TACR1: variants seen among roughly 807,000 people sequenced by gnomAD.
TACR1 encodes tachykinin receptor 1.
A neutral mutation model predicts 35.8 loss-of-function variants in TACR1; 25 were observed. The observed-to-expected ratio is 0.70, with a 90% confidence interval of 0.51 to 0.98. The LOEUF is 0.98. TACR1 is among the 50% of genes least tolerant of loss of function. TACR1 has a pLI of 0.00. For missense variants in TACR1, 478 were observed against 522.9 expected, an observed-to-expected ratio of 0.91 and a Z score of 0.84; for synonymous variants, 195 against 206.7, an observed-to-expected ratio of 0.94 and a Z score of 0.48.
intron 2 of TACR1, among the ~76,000 whole-genome samples, chr2:75,083,396 C>T (rs1673129504): frequency 6.6e-6 from 1 of 152,174 alleles, no homozygotes; most frequent in Non-Finnish European, 1.5e-5. Context: ...TTAGGATTGA[C>T]TTGGCAATGT....
At chr2:75,158,558 G>C (rs1674921766) in intron 1 of TACR1, among the ~76,000 whole-genome samples, 1 of 152,110 alleles carries the variant, frequency 6.6e-6, no homozygotes, top group Non-Finnish European at 1.5e-5. Flanking sequence ...TTAGCAGCAG[G>C]GTTAAAAGTT....
chr2:75,168,030 C>T (rs1675187043), intron 1 of TACR1, among the ~76,000 whole-genome samples: 1 of 152,190 alleles, frequency 6.6e-6, no homozygotes, highest in African/African-American at 2.4e-5. Flanking sequence ...AATTCACCAA[C>T]ATGTCAAGAG....
At chr2:75,197,780 A>G (rs939756993) in intron 1 of TACR1, among the ~76,000 whole-genome samples, 1 of 152,224 alleles carries the variant, frequency 6.6e-6, no homozygotes, top group African/African-American at 2.4e-5. Context: ...CAGGCTAAAT[A>G]CATACATTTT....
At chr2:75,160,982 T>G (rs1312495046) in intron 1 of TACR1, among the ~76,000 whole-genome samples, 1 of 151,878 alleles carries the variant, frequency 6.6e-6, no homozygotes, top group Admixed American at 6.6e-5. Context: ...TCTTCTATTA[T>G]AATGCCAGAA....
chr2:75,155,168 GC>G (rs149704705), intron 1 of TACR1, among the ~76,000 whole-genome samples: 5,433 of 152,174 alleles, frequency 0.036, 345 homozygotes, highest in African/African-American at 0.12. Flanking sequence ...CAGCATCTTT[GC>G]CCCATCCTCA....
At chr2:75,132,352 C>T (rs61188321) in intron 1 of TACR1, among the ~76,000 whole-genome samples, 33 of 152,196 alleles carry the variant, frequency 2.2e-4, no homozygotes, top group African/African-American at 7.2e-4. Flanking sequence ...TTGGATCTTC[C>T]AGTTCACTGA....
At chr2:75,059,646 C>G (rs570432165) in intron 2 of TACR1, among the ~76,000 whole-genome samples, 2 of 152,322 alleles carry the variant, frequency 1.3e-5, no homozygotes, top group African/African-American at 4.8e-5. Flanking sequence ...CCTGTGGTCA[C>G]GTAGCTTTCA....
At chr2:75,052,452 G>T (rs181663114) in intron 3 of TACR1, among the ~76,000 whole-genome samples, 2 of 151,994 alleles carry the variant, frequency 1.3e-5, no homozygotes, top group African/African-American at 4.8e-5. Context: ...GACACCATGC[G>T]ATGTAACCCC....
intron 1 of TACR1, among the ~76,000 whole-genome samples, chr2:75,128,189 G>A (rs1027638084): frequency 6.6e-6 from 1 of 152,198 alleles, no homozygotes; most frequent in East Asian, 1.9e-4. Flanking sequence ...GCAAGCTGGC[G>A]GCTCCACTTA....
chr2:75,052,495 G>T (rs1488549701), intron 3 of TACR1, among the ~76,000 whole-genome samples: 1 of 151,770 alleles, frequency 6.6e-6, no homozygotes, highest in East Asian at 1.9e-4. Flanking sequence ...GAACTCTACA[G>T]CATTCATACA....
At chr2:75,182,461 A>G (rs1461873058) in intron 1 of TACR1, among the ~76,000 whole-genome samples, 2 of 152,216 alleles carry the variant, frequency 1.3e-5, no homozygotes, top group Non-Finnish European at 2.9e-5. Flanking sequence ...GCCCTGAGCC[A>G]TACTGACAGT....
intron 2 of TACR1, among the ~76,000 whole-genome samples, chr2:75,101,182 A>G (rs77446510): frequency 0.082 from 12,498 of 152,192 alleles, 951 homozygotes; most frequent in East Asian, 0.28. Flanking sequence ...AATATAATAG[A>G]AATAGAAGTG....
At chr2:75,173,121 C>G (rs1014620184) in intron 1 of TACR1, among the ~76,000 whole-genome samples, 1 of 152,116 alleles carries the variant, frequency 6.6e-6, no homozygotes, top group Non-Finnish European at 1.5e-5. Context: ...ACAGTGCTGG[C>G]AAATGACTCC....
intron 1 of TACR1, among the ~76,000 whole-genome samples, chr2:75,154,168 C>G (rs1026256603): frequency 1.3e-5 from 2 of 152,064 alleles, no homozygotes; most frequent in Non-Finnish European, 2.9e-5. Context: ...TGCCTTCCTC[C>G]CGGCTCCTGG....
At chr2:75,145,312 C>T (rs568032114) in intron 1 of TACR1, among the ~76,000 whole-genome samples, 2 of 152,160 alleles carry the variant, frequency 1.3e-5, no homozygotes, top group African/African-American at 4.8e-5. Context: ...TAGAAGTGGT[C>T]TGTCTGTGAG....
At chr2:75,101,257 G>A (rs867161856) in intron 2 of TACR1, among the ~76,000 whole-genome samples, 19 of 152,024 alleles carry the variant, frequency 1.2e-4, no homozygotes, top group African/African-American at 4.1e-4. Flanking sequence ...TAATAGAGAT[G>A]AAGCAAAAAA....
rs1438224982 is a variant in TACR1 at position 75,049,538 on chromosome 2, G to T, written c.1118C>A (p.Pro373His). ...GTCCAGGGACGAGGGTGTGGCCTTG[G>T]GGCCGTCCTCTGGCTCCTCCTCGTG... ...GAHEEEPEDG[P>H]KATPSSLDLT... The change falls in exon 5 of 5, where the codon CCC becomes CAC. Residue 373 changes from proline (P) to histidine (H), a missense_variant. Pro to His is a moderately conservative substitution (Grantham distance 77, BLOSUM62 -2). Transcript: ENST00000305249. 8.1e-6 allele frequency: 13 copies of T among 1,614,048 alleles called. No homozygotes were observed. The highest frequency in any genetic ancestry group is 2.7e-5 in the African/African-American group (2 of 74,944).
chr2:75,086,860 G>C (rs771797891), intron 2 of TACR1, among the ~76,000 whole-genome samples: 5 of 152,178 alleles, frequency 3.3e-5, no homozygotes, highest in Non-Finnish European at 7.3e-5. Context: ...TTTCCTAGCA[G>C]TGGGGATTTT....
chr2:75,059,447 AT>A (rs1429293997), intron 2 of TACR1, among the ~76,000 whole-genome samples: 1 of 152,200 alleles, frequency 6.6e-6, no homozygotes, highest in Non-Finnish European at 1.5e-5. Flanking sequence ...GCCTTGAAAA[AT>A]TCCAATGTGT....
Sources: gnomAD v4.1 joint callset for allele counts (sites outside exome capture counted in the v4.1 genomes callset) on GRCh38, gnomAD v4.1.1 for gene constraint, MANE v1.5 for transcripts, NCBI Gene and HGNC (gene_info 2026-07-23, HGNC 2026-07-21) for gene names.